The following SMYD3 variants were observed in gnomAD, a reference collection of about 807,000 sequenced individuals.
SMYD3 encodes the protein histone-lysine N-methyltransferase SMYD3.
SMYD3 carries 36 observed loss-of-function variants against 57.7 expected under a neutral mutation model. The observed-to-expected ratio is 0.62, with a 90% CI of 0.48 to 0.82. The LOEUF (loss-of-function observed/expected upper bound fraction) is 0.82, where lower values mean the gene tolerates loss of function less well. Ranked by LOEUF, SMYD3 falls within the 40% of genes least tolerant of loss-of-function variation. The pLI is 0.00. For synonymous variants in SMYD3, 211 were observed against 195.0 expected, an observed-to-expected ratio of 1.08 and a Z score of -0.68; for missense variants, 515 against 538.8, an observed-to-expected ratio of 0.96 and a Z score of 0.44.
At chr1:246,252,295 C>T (rs569050417) in intron 5 of SMYD3, among the ~76,000 whole-genome samples, 7 of 152,230 alleles carry the variant, frequency 4.6e-5, no homozygotes, top group Middle Eastern at 3.4e-3. Context: ...AAACACTGTG[C>T]CCACGTACTC....
chr1:246,448,701 TTTTAAAAAAAAAA>T (rs1427510182), intron 1 of SMYD3, among the ~76,000 whole-genome samples: 1 of 82,012 alleles, frequency 1.2e-5, no homozygotes, highest in Non-Finnish European at 2.4e-5. Flanking sequence ...CATCTCTTTT[TTTTAAAAAAAAAA>T]AAAAAAAAAA....
intron 1 of SMYD3, among the ~76,000 whole-genome samples, chr1:246,424,834 A>G (rs1375173214): frequency 1.3e-5 from 2 of 152,224 alleles, no homozygotes; most frequent in Non-Finnish European, 2.9e-5. Context: ...TCATGGAACC[A>G]TTATGTTTAT....
At chr1:246,045,163 C>T (rs1313849976) in intron 5 of SMYD3, among the ~76,000 whole-genome samples, 3 of 152,086 alleles carry the variant, frequency 2.0e-5, no homozygotes, top group South Asian at 2.1e-4. Context: ...AAAAAGAGCC[C>T]GCATCACCAA....
rs1027624448 is a variant in SMYD3, at chr1:246,198,064, G to A, written c.531+129137C>T. ...TAGTTATGTGCTTGACCTGTACACA[G>A]TATATAGCTAACACGGGCCCATTCT... On this transcript the variant is annotated intron_variant, in intron 5 of 11. Coordinates refer to ENST00000490107, the MANE Select transcript of SMYD3 (RefSeq NM_001167740.2). 9.9e-5 allele frequency among the ~76,000 whole-genome samples: 15 copies of A among 152,254 alleles called. No homozygotes were observed. The East Asian group carries it at 2.1e-3, about 22-fold the overall frequency.
intron 5 of SMYD3, among the ~76,000 whole-genome samples, chr1:246,239,980 C>T (rs1558341149): frequency 2.6e-5 from 4 of 152,088 alleles, no homozygotes; most frequent in Non-Finnish European, 4.4e-5. Flanking sequence ...TTTATAGTTT[C>T]TGGATATCAG....
chr1:246,467,520 CA>C (rs1328653335), intron 1 of SMYD3, among the ~76,000 whole-genome samples: 3 of 152,042 alleles, frequency 2.0e-5, no homozygotes, highest in African/African-American at 7.2e-5. Context: ...GGAGCTATTA[CA>C]ATGGAAATAC....
chr1:245,813,899 T>TAC (rs1558374675), intron 10 of SMYD3, among the ~76,000 whole-genome samples: 3 of 100,520 alleles, frequency 3.0e-5, no homozygotes, highest in African/African-American at 9.9e-5. Context: ...TATATATATA[T>TAC]ATATACAGAT....
At chr1:246,448,616 A>C (rs2067582124) in intron 1 of SMYD3, among the ~76,000 whole-genome samples, 1 of 149,402 alleles carries the variant, frequency 6.7e-6, no homozygotes, top group African/African-American at 2.5e-5. Flanking sequence ...TAGCCCAGGA[A>C]GCCCAACAAT....
At chr1:246,236,868 A>G (rs1211602264) in intron 5 of SMYD3, among the ~76,000 whole-genome samples, 10 of 152,090 alleles carry the variant, frequency 6.6e-5, no homozygotes, top group Non-Finnish European at 1.5e-4. Flanking sequence ...AAGGTATCTA[A>G]ATTCTGAAAA....
At chr1:245,776,694 G>A (rs990889908) in intron 10 of SMYD3, among the ~76,000 whole-genome samples, 7 of 152,186 alleles carry the variant, frequency 4.6e-5, no homozygotes, top group African/African-American at 1.4e-4. Flanking sequence ...GCCGTATTGT[G>A]GTGCTGGGAA....
chr1:245,965,161 A>AT (rs2058108819), intron 5 of SMYD3, among the ~76,000 whole-genome samples: 1 of 152,252 alleles, frequency 6.6e-6, no homozygotes, highest in Admixed American at 6.5e-5. Flanking sequence ...AACACACAAT[A>AT]TCTTTTTCAA....
At chr1:246,276,956 G>A (rs546430637) in intron 5 of SMYD3, among the ~76,000 whole-genome samples, 3 of 152,328 alleles carry the variant, frequency 2.0e-5, no homozygotes, top group African/African-American at 4.8e-5. Context: ...ATTAACACTG[G>A]CAGGTTATTT....
chr1:246,155,573 C>T (rs182477660), intron 5 of SMYD3, among the ~76,000 whole-genome samples: 1 of 152,324 alleles, frequency 6.6e-6, no homozygotes, highest in African/African-American at 2.4e-5. Flanking sequence ...AAAGGAAATA[C>T]AATCATTCAC....
In SMYD3 at chr1:246,507,145, G is replaced by A; in HGVS notation, c.73C>T (p.Arg25Cys). ...GNGLRAVTPLRPGELLFRSDP... is the reference protein window; with the variant it reads ...GNGLRAVTPLCPGELLFRSDP... ...GAGCGGAAGAGTAGCTCTCCGGGGCGCAGCGGGGTCACGGCGCGCAGCCCG... is the reference window on the plus strand; with the variant it reads ...GAGCGGAAGAGTAGCTCTCCGGGGCACAGCGGGGTCACGGCGCGCAGCCCG... The change falls in exon 1 of 12, where the codon CGC (arginine) becomes TGC (cysteine). Residue 25 changes from arginine (R) to cysteine (C), a missense_variant. Transcript: ENST00000490107. The A allele has an allele frequency of 1.3e-6, 2 of 1,533,566 alleles. No homozygotes were observed. Among genetic ancestry groups the A allele is most frequent in the South Asian group, 1.2e-5 (1 of 81,946 alleles). 95.0% of individuals were successfully genotyped at this position (1,533,566 alleles called of 1,614,324 possible). A position where few individuals can be genotyped will look rare whatever the true frequency, so the allele number is the denominator to read the frequency against.
rs528157481 is a variant in SMYD3, at chr1:246,373,773, A to G, written c.165-18679T>C. On this transcript the variant is annotated intron_variant, in intron 1 of 11. Coordinates refer to ENST00000490107, the MANE Select transcript of SMYD3 (RefSeq NM_001167740.2). The stretch of plus-strand genomic sequence containing the variant: ...TTATATGAACTTGAAGGTCACCCAG[A>G]TAAAGTAAAACTTTATTCTTTTATA... 1.3e-3 allele frequency among the ~76,000 whole-genome samples: 199 copies of G among 152,340 alleles called. 1 individual carries two copies. Among genetic ancestry groups the G allele is most frequent in the Admixed American group, 6.0e-3 (92 of 15,300 alleles).
At chr1:245,925,019 T>A (rs1032983876) in intron 7 of SMYD3, among the ~76,000 whole-genome samples, 2 of 150,254 alleles carry the variant, frequency 1.3e-5, no homozygotes, top group African/African-American at 5.0e-5. Context: ...TCAACAAATG[T>A]TGATTGAGGA....
chr1:246,146,085 T>C (rs949378539), intron 5 of SMYD3, among the ~76,000 whole-genome samples: 4 of 152,062 alleles, frequency 2.6e-5, no homozygotes, highest in African/African-American at 9.7e-5. Context: ...CGCAAGAAGG[T>C]AGAGGGTATC....
At chr1:246,171,390 T>C (rs908407170) in intron 5 of SMYD3, among the ~76,000 whole-genome samples, 2 of 152,184 alleles carry the variant, frequency 1.3e-5, no homozygotes, top group African/African-American at 4.8e-5. Context: ...TCATTCTTTT[T>C]CCAGAGGGAT....
intron 5 of SMYD3, among the ~76,000 whole-genome samples, chr1:246,241,613 G>A (rs2063611924): frequency 6.6e-6 from 1 of 152,170 alleles, no homozygotes; most frequent in African/African-American, 2.4e-5. Context: ...CTCATAAAAT[G>A]AGTTAGGGAG....
Sources: gnomAD v4.1 joint callset for allele counts (sites outside exome capture counted in the v4.1 genomes callset) on GRCh38, gnomAD v4.1.1 for gene constraint, MANE v1.5 for transcripts, NCBI Gene and HGNC (gene_info 2026-07-23, HGNC 2026-07-21) for gene names.